Variants in CNTN4 observed in about 807,000 individuals in gnomAD.
The protein encoded by CNTN4 is contactin-4.
CNTN4 carries 77 observed loss-of-function variants against 122.5 expected under a neutral mutation model. That is an observed-to-expected ratio of 0.63 (90% CI 0.52 to 0.76). The LOEUF is 0.76. Among genes scored for constraint, CNTN4 ranks in the 30% least tolerant of loss-of-function variants. The probability of loss-of-function intolerance (pLI) is 0.00; values close to 1 mark genes in which losing one functional copy is unlikely to be tolerated. For synonymous variants in CNTN4, 512 were observed against 447.0 expected (o/e 1.15, Z -1.83); for missense variants, 1,256 against 1,259.1 (o/e 1.00, Z 0.04).
chr3:2,950,512 A>G (rs2151593250), intron 13 of CNTN4, among the ~76,000 whole-genome samples: 1 of 152,350 alleles, frequency 6.6e-6, no homozygotes, highest in African/African-American at 2.4e-5. Context: ...AGTGACATCC[A>G]GATGAGGTTA....
chr3:2,504,113 C>G (rs2076670759), intron 3 of CNTN4, among the ~76,000 whole-genome samples: 1 of 152,076 alleles, frequency 6.6e-6, no homozygotes, highest in Non-Finnish European at 1.5e-5. Flanking sequence ...AAGGAGCTCT[C>G]TGCTTCCTTA....
chr3:2,651,953 C>G (rs926856708), intron 4 of CNTN4, among the ~76,000 whole-genome samples: 1 of 151,672 alleles, frequency 6.6e-6, no homozygotes, highest in East Asian at 1.9e-4. Context: ...GTGATCCACC[C>G]GCCTTGGCCT....
intron 14 of CNTN4, among the ~76,000 whole-genome samples, chr3:3,003,684 C>CAAAAAAAAAAAAAAA (rs58290160): frequency 1.3e-5 from 1 of 76,966 alleles, no homozygotes; most frequent in Non-Finnish European, 2.6e-5. Flanking sequence ...ATGGTTGCAC[C>CAAAAAAAAAAAAAAA]AAAAAAAAAA....
intron 4 of CNTN4, among the ~76,000 whole-genome samples, chr3:2,702,129 A>G (rs2086391724): frequency 6.6e-6 from 1 of 152,220 alleles, no homozygotes; most frequent in Non-Finnish European, 1.5e-5. Context: ...AGGATCCAAA[A>G]TCAGAGAGAA....
At chr3:3,001,161 A>G (rs1245002471) in intron 14 of CNTN4, among the ~76,000 whole-genome samples, 1 of 152,172 alleles carries the variant, frequency 6.6e-6, no homozygotes, top group African/African-American at 2.4e-5. Context: ...CTAGTGATAA[A>G]GGGGAATGTG....
At chr3:2,992,469 G>A (rs1457438366) in intron 14 of CNTN4, among the ~76,000 whole-genome samples, 1 of 152,026 alleles carries the variant, frequency 6.6e-6, no homozygotes, top group African/African-American at 2.4e-5. Context: ...AGAGGGCAGG[G>A]TACATTTATA....
chr3:2,680,684 C>A (rs74670710), intron 4 of CNTN4, among the ~76,000 whole-genome samples: 196 of 152,194 alleles, frequency 1.3e-3, no homozygotes, highest in African/African-American at 4.5e-3. Context: ...AAAAACTATG[C>A]ATCCATTAAA....
chr3:2,492,114 G>A (rs1452545714), intron 3 of CNTN4, among the ~76,000 whole-genome samples: 3 of 152,060 alleles, frequency 2.0e-5, no homozygotes, highest in Admixed American at 6.6e-5. Context: ...ATAATAACTT[G>A]AAATCTCCCT....
At chr3:2,909,971 T>A (rs940981295) in intron 12 of CNTN4, among the ~76,000 whole-genome samples, 2 of 152,210 alleles carry the variant, frequency 1.3e-5, no homozygotes, top group African/African-American at 2.4e-5. Flanking sequence ...ATAGTCTCCC[T>A]ACCAAAACAT....
At chr3:2,390,312 C>G (rs1604552) in intron 3 of CNTN4, among the ~76,000 whole-genome samples, 136,341 of 151,612 alleles carry the variant, frequency 0.9, 61,335 homozygotes, top group East Asian at 1. Context: ...ATAATCTTGG[C>G]GAATTGAAGC....
chr3:3,042,468 C>T, intron 21 of CNTN4, 46 bp downstream of exon 21: 1 of 1,202,876 alleles, frequency 8.3e-7, no homozygotes, highest in Non-Finnish European at 1.2e-6. Context: ...AGTCTATGCC[C>T]CTTGATAAGT....
chr3:2,490,550 G>C (rs182173952), intron 3 of CNTN4, among the ~76,000 whole-genome samples: 10 of 152,272 alleles, frequency 6.6e-5, no homozygotes, highest in African/African-American at 2.4e-4. Context: ...CGGGTATGGT[G>C]GAAATGCCTA....
chr3:2,422,308 G>A (rs1189297326), intron 3 of CNTN4, among the ~76,000 whole-genome samples: 3 of 152,196 alleles, frequency 2.0e-5, no homozygotes, highest in African/African-American at 7.2e-5. Flanking sequence ...TAGAAACACA[G>A]TAGTAGTTCA....
In CNTN4 at chr3:2,778,279, A is replaced by G. The variant is rs1016452409; in HGVS notation, c.358+32582A>G. Among the ~76,000 whole-genome samples, 4 of 152,036 alleles carry G rather than the reference A, an allele frequency of 2.6e-5. No homozygotes were observed. The South Asian group carries it at 8.3e-4, about 31-fold the overall frequency. ...AAAATAAAGAAATAACTGTCCCAGAAATATTTTGTGTTATCCATGTATGTA... is the reference window on the plus strand; with the variant it reads ...AAAATAAAGAAATAACTGTCCCAGAGATATTTTGTGTTATCCATGTATGTA... On this transcript the variant is annotated intron_variant, in intron 6 of 24. Coordinates refer to ENST00000418658, the MANE Select transcript of CNTN4 (RefSeq NM_175607.3).
At chr3:2,935,868 A>G (rs1343864140) in intron 13 of CNTN4, among the ~76,000 whole-genome samples, 1 of 152,194 alleles carries the variant, frequency 6.6e-6, no homozygotes, top group African/African-American at 2.4e-5. Context: ...TCTTGTATGA[A>G]ATGAATGAAC....
At chr3:2,949,176 T>G (rs1464257028) in intron 13 of CNTN4, among the ~76,000 whole-genome samples, 1 of 152,134 alleles carries the variant, frequency 6.6e-6, no homozygotes, top group Non-Finnish European at 1.5e-5. Flanking sequence ...AAACACTTTC[T>G]TCCCTGATCT....
At chr3:2,966,026 G>T (rs2125050998) in intron 13 of CNTN4, among the ~76,000 whole-genome samples, 1 of 152,164 alleles carries the variant, frequency 6.6e-6, no homozygotes. Context: ...TCACCAGACT[G>T]TGAATTTCCT....
intron 3 of CNTN4, among the ~76,000 whole-genome samples, chr3:2,397,474 G>C (rs1259442249): frequency 6.0e-5 from 9 of 150,972 alleles, no homozygotes; most frequent in Admixed American, 5.9e-4. Context: ...CACAAGATTA[G>C]TCTCCTTTTA....
intron 2 of CNTN4, among the ~76,000 whole-genome samples, chr3:2,268,787 A>G (rs2041155967): frequency 6.6e-6 from 1 of 152,152 alleles, no homozygotes; most frequent in Admixed American, 6.6e-5. Context: ...CTGCATGCAA[A>G]CAGCATTATG....
Sources: allele counts gnomAD v4.1 joint callset (sites outside exome capture counted in the v4.1 genomes callset), GRCh38; gene constraint gnomAD v4.1.1; transcripts MANE v1.5; gene names NCBI Gene and HGNC (gene_info 2026-07-23, HGNC 2026-07-21).